Variants in SETD7 observed in about 807,000 individuals in gnomAD.
The protein encoded by SETD7 is histone-lysine N-methyltransferase SETD7.
A neutral mutation model predicts 41.8 loss-of-function variants in SETD7; 16 were observed. The ratio of observed to expected loss-of-function variants is 0.38; its 90% confidence interval spans 0.26 to 0.58. The LOEUF is 0.58. Among genes scored for constraint, SETD7 ranks in the 20% least tolerant of loss-of-function variants. The pLI is 0.64. For synonymous variants in SETD7, 163 were observed against 169.7 expected (o/e 0.96, Z 0.31); for missense variants, 346 against 459.7 (o/e 0.75, Z 2.26).
chr4:139,541,645 T>A (rs533609053), intron 2 of SETD7, among the ~76,000 whole-genome samples: 28 of 152,336 alleles, frequency 1.8e-4, no homozygotes, highest in Non-Finnish European at 3.7e-4. Context: ...AAACAATTTT[T>A]AAAATAAGGT....
intron 7 of SETD7, among the ~76,000 whole-genome samples, chr4:139,515,957 C>T (rs1019313767): frequency 1.3e-5 from 2 of 152,138 alleles, no homozygotes; most frequent in African/African-American, 4.8e-5. Flanking sequence ...AGGAGAGCAA[C>T]GATGATGGCA....
At chr4:139,513,292 C>T (rs551984608) in intron 7 of SETD7, among the ~76,000 whole-genome samples, 6 of 151,768 alleles carry the variant, frequency 4.0e-5, no homozygotes, top group Non-Finnish European at 8.8e-5. Context: ...TGGTGGCGCA[C>T]ACCTGTAATC....
chr4:139,539,016 C>A (rs1727713447), intron 2 of SETD7, among the ~76,000 whole-genome samples: 1 of 152,264 alleles, frequency 6.6e-6, no homozygotes, highest in Admixed American at 6.5e-5. Context: ...CCTAGACTTA[C>A]ATATCTGCAT....
intron 4 of SETD7, 98 bp downstream of exon 4, chr4:139,528,933 A>G: frequency 9.5e-7 from 1 of 1,047,544 alleles, no homozygotes; most frequent in Middle Eastern, 2.1e-4. Context: ...GATTAAAGAG[A>G]ACTATACAGA....
chr4:139,495,737 A>G (rs554733845), downstream of SETD7, among the ~76,000 whole-genome samples: 10 of 152,324 alleles, frequency 6.6e-5, no homozygotes, highest in South Asian at 4.1e-4. Context: ...GGGTGGGGAC[A>G]CAGATCCAAA....
chr4:139,497,281 C>T (rs1264621351), intron 7 of SETD7, among the ~76,000 whole-genome samples: 2 of 151,902 alleles, frequency 1.3e-5, no homozygotes, highest in Non-Finnish European at 2.9e-5. Context: ...ATGGTGAAAC[C>T]CTGTCTCTAC....
At chr4:139,503,378 T>C (rs546471528), downstream of SETD7, among the ~76,000 whole-genome samples, 6 of 151,738 alleles carry the variant, frequency 4.0e-5, no homozygotes, top group East Asian at 1.2e-3. Context: ...CTCCCATAAG[T>C]ATGGTTAGGA....
At position 139,555,597 on chromosome 4, in the gene SETD7, G is replaced by A. The variant is rs1728243919; in HGVS notation, c.40+501C>T. On this transcript the variant is annotated intron_variant, in intron 1 of 7. Transcript: ENST00000274031. The surrounding 1 kb of genome is among the most constrained non-coding windows in gnomAD (Gnocchi z 4.0). ...TGCCTGGTCTGGCCCCGTGCGCTGC[G>A]CCGGGGGACCTACCCGGACGGGGCC... Among the ~76,000 whole-genome samples, 1 of 152,048 alleles carries A rather than the reference G, an allele frequency of 6.6e-6. No homozygotes were observed. The highest frequency in any genetic ancestry group is 1.5e-5 in the Non-Finnish European group (1 of 67,982).
At chr4:139,540,840 T>G (rs1042675287) in intron 2 of SETD7, among the ~76,000 whole-genome samples, 1 of 152,192 alleles carries the variant, frequency 6.6e-6, no homozygotes, top group African/African-American at 2.4e-5. Context: ...GAGGTTGGAA[T>G]GCATGACTTC....
At position 139,509,982 on chromosome 4, in the gene SETD7, G is replaced by A. The variant is rs760053687; in HGVS notation, c.*1681C>T. On this transcript the variant is annotated 3_prime_UTR_variant, in exon 8 of 8. Coordinates refer to ENST00000274031, the MANE Select transcript of SETD7 (RefSeq NM_030648.4). ...AGCCTGGTGTTGCAAAGAAGGGAAG[G>A]GCAACTCTGTCAATGTGCCCAAGGG... is the stretch of plus-strand genomic sequence containing the variant. 1 of 707,544 alleles carries A rather than the reference G, an allele frequency of 1.4e-6. No individual in the cohort carries two copies. The highest frequency in any genetic ancestry group is 1.7e-6 in the Non-Finnish European group (1 of 576,222). 43.8% of individuals were successfully genotyped at this position (707,544 alleles called of 1,614,324 possible).
At chr4:139,549,616 A>G (rs545365118) in intron 1 of SETD7, among the ~76,000 whole-genome samples, 2 of 137,822 alleles carry the variant, frequency 1.5e-5, no homozygotes, top group East Asian at 2.1e-4. Flanking sequence ...TCCTTCCTTT[A>G]TTTTTTAGAG....
In SETD7 at chr4:139,528,887, G is replaced by A; in HGVS notation, c.562+144C>T. On this transcript the variant is annotated intron_variant, in intron 4 of 7. Coordinates refer to ENST00000274031, the MANE Select transcript of SETD7 (RefSeq NM_030648.4). ...TGTTGTAAACCACTGGGGAGGTGCA[G>A]TGTCTGTTATGCAATAAAACCTGAC... 5.9e-6 allele frequency: 4 copies of A among 676,822 alleles called. No individual in the cohort carries two copies. In the South Asian group the frequency reaches 8.0e-5, roughly 13 times the overall value. The allele number at this position is 676,822 out of a possible 1,614,324, so 41.9% of individuals were successfully genotyped here.
At chr4:139,530,816 T>C (rs1727463875) in intron 3 of SETD7, among the ~76,000 whole-genome samples, 1 of 152,204 alleles carries the variant, frequency 6.6e-6, no homozygotes, top group Non-Finnish European at 1.5e-5. Context: ...AAAAACCTTA[T>C]ATGAAAAACT....
rs1726881157 is a variant in SETD7, at chr4:139,511,689, C to T, written c.1075G>A (p.Ala359Thr). The T allele has an allele frequency of 1.2e-6, 2 of 1,613,318 alleles. No homozygotes were observed. Among genetic ancestry groups the T allele is most frequent in the African/African-American group, 2.7e-5 (2 of 74,852 alleles). ...CACTTTTGCTGGGTGGCCTGGAAGG[C>T]CTTCAGCTCCACCTGGTACCACTCA... is the stretch of plus-strand genomic sequence containing the variant. Reference protein sequence around the residue: ...APEWYQVELKAFQATQQK With the variant: ...APEWYQVELKTFQATQQK The change falls in exon 8 of 8, where the codon GCC (alanine) becomes ACC (threonine). Residue 359 changes from alanine (A) to threonine (T), a missense_variant. Around this residue, in one of 3 missense-constraint regions of SETD7, gnomAD observed 5 missense variants for 17.2 expected, o/e 0.29. Transcript: ENST00000274031.
chr4:139,529,329 G>C, intron 3 of SETD7, 109 bp from the exon 4 acceptor site: 1 of 797,398 alleles, frequency 1.3e-6, no homozygotes, highest in South Asian at 2.1e-5. Context: ...CACCAGTAGG[G>C]ATAATAACAG....
chr4:139,523,258 C>A, intron 5 of SETD7, 96 bp downstream of exon 5: 2 of 842,566 alleles, frequency 2.4e-6, no homozygotes, highest in Non-Finnish European at 3.8e-6. Context: ...TGGAACCCAG[C>A]CTGGGCAGAG....
At chr4:139,502,774 G>T (rs1246957018), downstream of SETD7, among the ~76,000 whole-genome samples, 1 of 152,166 alleles carries the variant, frequency 6.6e-6, no homozygotes, top group East Asian at 1.9e-4. Context: ...GATGCTTCAC[G>T]TGGTGGAGGC....
chr4:139,542,065 A>ACC (rs1273000715), intron 2 of SETD7, among the ~76,000 whole-genome samples: 1 of 152,246 alleles, frequency 6.6e-6, no homozygotes, highest in Non-Finnish European at 1.5e-5. Context: ...CATAAAAACA[A>ACC]AACGAAATCC....
intron 2 of SETD7, 31 bp from the exon 3 acceptor site, chr4:139,533,397 G>C (rs776669913): frequency 1.9e-6 from 3 of 1,569,140 alleles, no homozygotes; most frequent in Non-Finnish European, 2.6e-6. Flanking sequence ...AAAAGGAATA[G>C]TCAGACCATG....
Sources: gnomAD v4.1 joint callset for allele counts (sites outside exome capture counted in the v4.1 genomes callset) on GRCh38, gnomAD v4.1.1 for gene constraint, gnomAD v4.1.1 regional missense constraint, Gnocchi (gnomAD v3.1) non-coding constraint, MANE v1.5 for transcripts, NCBI Gene and HGNC (gene_info 2026-07-23, HGNC 2026-07-21) for gene names.